Variants in EXOC6B observed in about 807,000 individuals in gnomAD.
EXOC6B encodes SEC15 homolog B.
Under a neutral mutation model 113.5 loss-of-function variants are expected in EXOC6B, and 54 were observed. That is an observed-to-expected ratio of 0.48 (90% CI 0.38 to 0.60). The LOEUF is 0.60. Ranked by LOEUF, EXOC6B falls within the 20% of genes least tolerant of loss-of-function variation. The pLI is 0.00. For missense variants in EXOC6B, 797 were observed against 977.5 expected, an observed-to-expected ratio of 0.82 and a Z score of 2.46; for synonymous variants, 357 against 339.0, an observed-to-expected ratio of 1.05 and a Z score of -0.58.
chr2:72,388,666 CTGCAAT>C (rs1233592743), intron 18 of EXOC6B, among the ~76,000 whole-genome samples: 1 of 152,088 alleles, frequency 6.6e-6, no homozygotes, highest in Non-Finnish European at 1.5e-5. Context: ...AAATTAGCAG[CTGCAAT>C]TATGAATTTG....
intron 6 of EXOC6B, among the ~76,000 whole-genome samples, chr2:72,584,018 C>A (rs1705393192): frequency 6.6e-6 from 1 of 152,006 alleles, no homozygotes; most frequent in Non-Finnish European, 1.5e-5. Context: ...CATCCGCACC[C>A]GGCCCCTTAA....
At chr2:72,711,546 G>A (rs1207235169) in intron 6 of EXOC6B, among the ~76,000 whole-genome samples, 2 of 152,070 alleles carry the variant, frequency 1.3e-5, no homozygotes, top group African/African-American at 4.8e-5. Context: ...TGAAACCATG[G>A]ATAGTACCAT....
chr2:72,813,244 G>T (rs182859571), intron 1 of EXOC6B, among the ~76,000 whole-genome samples: 19 of 151,822 alleles, frequency 1.3e-4, no homozygotes, highest in African/African-American at 4.6e-4. Flanking sequence ...TGCATGCCAC[G>T]ATGCCCAGCT....
chr2:72,435,397 G>A (rs987533925), intron 18 of EXOC6B, among the ~76,000 whole-genome samples: 5 of 152,206 alleles, frequency 3.3e-5, no homozygotes, highest in African/African-American at 9.7e-5. Flanking sequence ...TTGAGGTGGA[G>A]AGTTCTGTAG....
chr2:72,471,833 A>G (rs1698431081), intron 17 of EXOC6B, among the ~76,000 whole-genome samples: 1 of 152,104 alleles, frequency 6.6e-6, no homozygotes, highest in Admixed American at 6.5e-5. Flanking sequence ...ACCTTTTCCC[A>G]TTCAGGATGG....
intron 6 of EXOC6B, among the ~76,000 whole-genome samples, chr2:72,649,083 T>A (rs1158542365): frequency 6.6e-6 from 1 of 152,124 alleles, no homozygotes; most frequent in Non-Finnish European, 1.5e-5. Context: ...GAGGCTGTCA[T>A]GAGCTATAAT....
intron 6 of EXOC6B, among the ~76,000 whole-genome samples, chr2:72,641,809 T>C (rs1673264651): frequency 6.6e-6 from 1 of 152,134 alleles, no homozygotes; most frequent in Admixed American, 6.5e-5. Context: ...CACCTCCCAG[T>C]AGCGGCCGAC....
At chr2:72,364,370 C>T (rs1417396261) in intron 19 of EXOC6B, among the ~76,000 whole-genome samples, 1 of 152,114 alleles carries the variant, frequency 6.6e-6, no homozygotes, top group South Asian at 2.1e-4. Context: ...CTTAGTGGCT[C>T]TAAAATATAT....
chr2:72,688,196 T>C (rs763378525), intron 6 of EXOC6B, among the ~76,000 whole-genome samples: 6 of 152,160 alleles, frequency 3.9e-5, no homozygotes, highest in Non-Finnish European at 5.9e-5. Flanking sequence ...TGTACAGAAA[T>C]AGGGTCCAGA....
intron 20 of EXOC6B, among the ~76,000 whole-genome samples, chr2:72,251,903 C>A (rs1023348846): frequency 7.9e-5 from 12 of 152,156 alleles, no homozygotes; most frequent in African/African-American, 2.9e-4. Context: ...TTATTACCAA[C>A]AAATCTATCA....
At chr2:72,429,866 G>A (rs1695421818) in intron 18 of EXOC6B, among the ~76,000 whole-genome samples, 1 of 152,168 alleles carries the variant, frequency 6.6e-6, no homozygotes, top group Non-Finnish European at 1.5e-5. Flanking sequence ...GAAAAAGATG[G>A]GAGACTGCTT....
chr2:72,670,270 C>G (rs1050864561), intron 6 of EXOC6B, among the ~76,000 whole-genome samples: 1 of 151,898 alleles, frequency 6.6e-6, no homozygotes, highest in African/African-American at 2.4e-5. Context: ...CATTTTATTT[C>G]CTGTTTATAC....
chr2:72,410,047 T>G (rs1198052722), intron 18 of EXOC6B, among the ~76,000 whole-genome samples: 1 of 152,176 alleles, frequency 6.6e-6, no homozygotes, highest in Non-Finnish European at 1.5e-5. Context: ...ATTTCTAAGT[T>G]GCCTTTATCT....
intron 20 of EXOC6B, among the ~76,000 whole-genome samples, chr2:72,223,007 G>A (rs1680973380): frequency 1.3e-5 from 2 of 152,188 alleles, no homozygotes; most frequent in Admixed American, 1.3e-4. Context: ...ATGTGTAGCA[G>A]CAATAGCATC....
intron 11 of EXOC6B, among the ~76,000 whole-genome samples, chr2:72,505,636 G>A (rs1476846422): frequency 6.6e-6 from 1 of 152,060 alleles, no homozygotes; most frequent in African/African-American, 2.4e-5. Context: ...AATTTTGAAA[G>A]TGCTGATATC....
intron 6 of EXOC6B, among the ~76,000 whole-genome samples, chr2:72,707,890 A>G (rs2104672914): frequency 6.6e-6 from 1 of 152,302 alleles, no homozygotes; most frequent in East Asian, 1.9e-4. Flanking sequence ...ATAGAGGAAA[A>G]GAAATATATA....
chr2:72,756,993 A>C (rs182260430), intron 1 of EXOC6B, among the ~76,000 whole-genome samples: 112 of 152,296 alleles, frequency 7.4e-4, no homozygotes, highest in African/African-American at 2.6e-3. Flanking sequence ...AAAGAAAACC[A>C]GCAAACTAAT....
chr2:72,371,267 A>G (rs1201145851), intron 19 of EXOC6B, among the ~76,000 whole-genome samples: 1 of 152,242 alleles, frequency 6.6e-6, no homozygotes, highest in East Asian at 1.9e-4. Context: ...TCAAACATCT[A>G]AAGAAGAACT....
chr2:72,337,126 C>T (rs1360277873), intron 19 of EXOC6B, among the ~76,000 whole-genome samples: 1 of 151,920 alleles, frequency 6.6e-6, no homozygotes, highest in Non-Finnish European at 1.5e-5. Context: ...CTGTGATAAC[C>T]TTGTATACAG....
Sources: gnomAD v4.1 joint callset for allele counts (sites outside exome capture counted in the v4.1 genomes callset) on GRCh38, gnomAD v4.1.1 for gene constraint, MANE v1.5 for transcripts, NCBI Gene and HGNC (gene_info 2026-07-23, HGNC 2026-07-21) for gene names.